RNF212: variants seen among roughly 807,000 people sequenced by gnomAD.
RNF212 encodes probable E3 SUMO-protein ligase RNF212.
A neutral mutation model predicts 34.7 loss-of-function variants in RNF212; 33 were observed. The observed-to-expected ratio is 0.95, with a 90% CI of 0.72 to 1.27. The LOEUF (loss-of-function observed/expected upper bound fraction) is 1.27, where lower values mean the gene tolerates loss of function less well. Ranked by LOEUF, RNF212 falls within the 50% of genes most tolerant of loss-of-function variation. The pLI, the probability that RNF212 is intolerant of heterozygous loss-of-function variation, is 0.00. For synonymous variants in RNF212, 140 were observed against 136.1 expected (o/e 1.03, Z -0.20); for missense variants, 377 against 362.2 (o/e 1.04, Z -0.33).
At chr4:1,059,612 A>C (rs1384190585) in intron 3 of RNF212, among the ~76,000 whole-genome samples, 2 of 151,112 alleles carry the variant, frequency 1.3e-5, no homozygotes, top group African/African-American at 2.4e-5. Context: ...GTCTCCCCTC[A>C]CTCCCTCCCT....
chr4:1,059,333 CAAG>C (rs1468918773), intron 3 of RNF212, among the ~76,000 whole-genome samples: 6 of 152,350 alleles, frequency 3.9e-5, no homozygotes, highest in African/African-American at 1.4e-4. Context: ...CAGCTAAGAG[CAAG>C]AAGGAAAGCT....
At chr4:1,106,892 A>G (rs1046923528) in intron 2 of RNF212, among the ~76,000 whole-genome samples, 1 of 152,220 alleles carries the variant, frequency 6.6e-6, no homozygotes, top group Admixed American at 6.5e-5. Context: ...AAATATTCTT[A>G]TAAGTGTGGA....
At chr4:1,060,158 G>C (rs1411648659) in intron 3 of RNF212, among the ~76,000 whole-genome samples, 2 of 148,116 alleles carry the variant, frequency 1.4e-5, no homozygotes, top group African/African-American at 5.0e-5. Flanking sequence ...AATTTTTCAA[G>C]ATAACTATTA....
In RNF212 at chr4:1,072,910, A is replaced by C. The variant is rs1251164907; in HGVS notation, c.858T>G (p.Phe286Leu). Residue 286 changes from phenylalanine (F) to leucine (L), a missense_variant, in exon 10 of 10, where the codon TTT becomes TTG. Coordinates refer to ENST00000433731, the MANE Select transcript of RNF212 (RefSeq NM_001131034.4). Reference sequence around the variant, plus strand: ...TTTTCCTTTCAAATTGGCAAAGAGGAAACACAACAGACACAGCGGGTGTTC... The same window carrying C: ...TTTTCCTTTCAAATTGGCAAAGAGGCAACACAACAGACACAGCGGGTGTTC... ...TFRTPAVSVVFPLCQFERKKS... is the reference protein window; with the variant it reads ...TFRTPAVSVVLPLCQFERKKS... 2 of 1,613,502 alleles carry C rather than the reference A, an allele frequency of 1.2e-6. No individual in the cohort carries two copies. Among genetic ancestry groups the C allele is most frequent in the Non-Finnish European group, 1.7e-6 (2 of 1,179,582 alleles).
chr4:1,060,853 C>T (rs556475470), intron 3 of RNF212, among the ~76,000 whole-genome samples: 5 of 152,326 alleles, frequency 3.3e-5, no homozygotes, highest in East Asian at 1.9e-4. Flanking sequence ...ACAGATGGCC[C>T]GCCTGCCACT....
chr4:1,082,986 C>A (rs192600843), intron 5 of RNF212, among the ~76,000 whole-genome samples: 3 of 152,314 alleles, frequency 2.0e-5, no homozygotes, highest in Admixed American at 2.0e-4. Flanking sequence ...GGCACGAACG[C>A]CACCACAGTG....
intron 8 of RNF212, among the ~76,000 whole-genome samples, chr4:1,074,548 C>G (rs1205851320): frequency 6.6e-6 from 1 of 152,186 alleles, no homozygotes. Context: ...CAGGAGTGCC[C>G]TGCTCCAGGG....
chr4:1,064,113 AG>A (rs1380082428), intron 3 of RNF212, among the ~76,000 whole-genome samples: 1 of 152,230 alleles, frequency 6.6e-6, no homozygotes, highest in African/African-American at 2.4e-5. Flanking sequence ...ATGGAATAAA[AG>A]ATTTTTTTCC....
exon 5 of RNF212, chr4:1,056,465 A>G: frequency 1.0e-6 from 1 of 980,972 alleles, no homozygotes; most frequent in Non-Finnish European, 1.2e-6. Flanking sequence ...TCGCGGTAAA[A>G]ACACAACTTT....
At chr4:1,104,073 A>G (rs1329536522) in intron 2 of RNF212, among the ~76,000 whole-genome samples, 2 of 152,258 alleles carry the variant, frequency 1.3e-5, no homozygotes, top group Non-Finnish European at 2.9e-5. Context: ...TATACTAGCA[A>G]TAAGCACTTG....
intron 3 of RNF212, among the ~76,000 whole-genome samples, chr4:1,065,044 T>C (rs1380385675): frequency 2.0e-5 from 3 of 152,264 alleles, no homozygotes; most frequent in Admixed American, 1.3e-4. Flanking sequence ...ATTCATCTGA[T>C]GGATACTTAG....
At chr4:1,083,945 ATTTTTTTT>A (rs376424627) in intron 5 of RNF212, among the ~76,000 whole-genome samples, 1 of 134,678 alleles carries the variant, frequency 7.4e-6, no homozygotes, top group Non-Finnish European at 1.6e-5. Flanking sequence ...CATTTTGTGC[ATTTTTTTT>A]TTTTTTTTTT....
intron 5 of RNF212, among the ~76,000 whole-genome samples, chr4:1,084,601 G>A (rs543344006): frequency 1.3e-4 from 20 of 151,952 alleles, no homozygotes; most frequent in African/African-American, 4.8e-4. Flanking sequence ...GTGGTGGTGC[G>A]TGCCTGTGGT....
chr4:1,108,536 G>A (rs896066965), intron 1 of RNF212, 132 bp from the exon 2 acceptor site: 2 of 467,626 alleles, frequency 4.3e-6, no homozygotes, highest in Non-Finnish European at 7.6e-6. Context: ...TGTTCTGACA[G>A]GATGAGGCTG....
At chr4:1,063,745 A>T (rs953639513) in intron 3 of RNF212, among the ~76,000 whole-genome samples, 1 of 151,724 alleles carries the variant, frequency 6.6e-6, no homozygotes, top group Admixed American at 6.6e-5. Context: ...GTGGTGGTGC[A>T]TGCCTACAGT....
intron 5 of RNF212, among the ~76,000 whole-genome samples, chr4:1,082,744 C>G (rs1225157025): frequency 6.6e-6 from 1 of 152,192 alleles, no homozygotes; most frequent in African/African-American, 2.4e-5. Flanking sequence ...TGGCTTACTC[C>G]GAATTGCCAG....
intron 8 of RNF212, among the ~76,000 whole-genome samples, chr4:1,077,991 G>A (rs1016142159): frequency 1.6e-4 from 25 of 152,188 alleles, no homozygotes; most frequent in Admixed American, 9.8e-4. Context: ...TCTCTTTCAC[G>A]GAAGCTGTGA....
intron 4 of RNF212, among the ~76,000 whole-genome samples, chr4:1,058,063 A>G (rs1379464638): frequency 2.2e-4 from 1 of 4,610 alleles, no homozygotes; most frequent in African/African-American, 0.014. Flanking sequence ...ACTCCGGCTA[A>G]AAAAAAAAAA....
chr4:1,066,028 T>A (rs544383298), intron 3 of RNF212, among the ~76,000 whole-genome samples: 24 of 150,946 alleles, frequency 1.6e-4, no homozygotes, highest in South Asian at 6.3e-4. Flanking sequence ...TGCGATTTTT[T>A]AAATATATAG....
Sources: gnomAD v4.1 joint callset for allele counts (sites outside exome capture counted in the v4.1 genomes callset) on GRCh38, gnomAD v4.1.1 for gene constraint, MANE v1.5 for transcripts, NCBI Gene and HGNC (gene_info 2026-07-23, HGNC 2026-07-21) for gene names.